PARN: variants seen among roughly 807,000 people sequenced by gnomAD.
The protein encoded by PARN is poly(A)-specific ribonuclease PARN.
In PARN, 71 loss-of-function variants were observed where a neutral mutation model predicts 102.8. The ratio of observed to expected loss-of-function variants is 0.69; its 90% CI spans 0.57 to 0.84. The LOEUF is 0.84. PARN is among the 40% of genes least tolerant of loss of function. PARN has a pLI of 0.00. For missense variants in PARN, 782 were observed against 760.9 expected, an observed-to-expected ratio of 1.03 and a Z score of -0.33; for synonymous variants, 261 against 252.9, an observed-to-expected ratio of 1.03 and a Z score of -0.30.
At position 14,458,057 on chromosome 16, in the gene PARN, A is replaced by T. The variant is rs1238997165; in HGVS notation, c.1671-10976T>A. ...AGAAAAAAATTAGTTCAACATTACAAAGAATCAATAGCATTCAATAAGAAA... is the reference window on the plus strand; with the variant it reads ...AGAAAAAAATTAGTTCAACATTACATAGAATCAATAGCATTCAATAAGAAA... On this transcript the variant is annotated intron_variant, in intron 22 of 23. Transcript: ENST00000437198. 5.3e-5 allele frequency among the ~76,000 whole-genome samples: 8 copies of T among 152,094 alleles called. No individual in the cohort carries two copies. In the East Asian group the frequency reaches 1.5e-3, roughly 29 times the overall value.
intron 23 of PARN, 96 bp from the exon 24 acceptor site, chr16:14,436,868 C>T (rs751543903): frequency 3.1e-5 from 27 of 876,638 alleles, no homozygotes; most frequent in East Asian, 5.3e-5. Flanking sequence ...GGGCCTGTGA[C>T]GGCTGCAGAC....
intron 22 of PARN, among the ~76,000 whole-genome samples, chr16:14,480,798 G>A (rs185049791): frequency 4.9e-4 from 74 of 152,122 alleles, no homozygotes; most frequent in Admixed American, 1.4e-3. Flanking sequence ...AAAATTAACC[G>A]GGTGTGGTGG....
chr16:14,613,385 G>A (rs749634893), intron 6 of PARN, among the ~76,000 whole-genome samples: 1 of 151,702 alleles, frequency 6.6e-6, no homozygotes, highest in Non-Finnish European at 1.5e-5. Flanking sequence ...ACTTTGGGAG[G>A]CTGAGGAGGG....
chr16:14,509,554 AC>A (rs1965076298), intron 21 of PARN, among the ~76,000 whole-genome samples: 3 of 152,176 alleles, frequency 2.0e-5, no homozygotes, highest in Non-Finnish European at 4.4e-5. Flanking sequence ...TAAGCCCTAA[AC>A]CCCATCCATC....
intron 5 of PARN, among the ~76,000 whole-genome samples, chr16:14,624,481 G>A (rs775412163): frequency 5.3e-5 from 8 of 152,138 alleles, no homozygotes; most frequent in Non-Finnish European, 7.3e-5. Context: ...GTCTATGATA[G>A]CTTTTTTTAA....
In PARN at chr16:14,464,587, C is replaced by T. The variant is rs180922770; in HGVS notation, c.1671-17506G>A. Among the ~76,000 whole-genome samples, 5 of 152,120 alleles carry T rather than the reference C, an allele frequency of 3.3e-5. No individual in the cohort carries two copies. In the East Asian group the frequency reaches 7.7e-4, roughly 24 times the overall value. On this transcript the variant is annotated intron_variant, in intron 22 of 23. Coordinates refer to ENST00000437198, the MANE Select transcript of PARN (RefSeq NM_002582.4). The stretch of plus-strand genomic sequence containing the variant: ...ACTGGCCAACATGGCAAAACCCCAT[C>T]TCTACTAAAATATACAAAAATTAGC...
In PARN at chr16:14,435,724, T is replaced by C. The variant is rs963982745; in HGVS notation, c.*993A>G. On this transcript the variant is annotated 3_prime_UTR_variant, in exon 24 of 24. Coordinates refer to ENST00000437198, the MANE Select transcript of PARN (RefSeq NM_002582.4). ...AGTCCTATGAAAATGTTTTTAATTT[T>C]CATCTTTTGGAAATACATTTTTCAT... The C allele has an allele frequency of 6.6e-6, 1 of 152,150 alleles. No individual in the cohort carries two copies. The highest frequency in any genetic ancestry group is 1.5e-5 in the Non-Finnish European group (1 of 68,016). The allele number at this position is 152,150 out of a possible 1,614,324, so 9.4% of individuals were successfully genotyped here. A position where few individuals can be genotyped will look rare whatever the true frequency, so the allele number is the denominator to read the frequency against.
chr16:14,567,701 C>T (rs1422613113), intron 18 of PARN, among the ~76,000 whole-genome samples: 1 of 152,174 alleles, frequency 6.6e-6, no homozygotes, highest in Non-Finnish European at 1.5e-5. Context: ...GTTCTGGCAT[C>T]ACCAGGTGCT....
chr16:14,585,980 CTT>C (rs772896503), intron 14 of PARN, among the ~76,000 whole-genome samples: 15 of 127,228 alleles, frequency 1.2e-4, no homozygotes, highest in African/African-American at 1.2e-4. Context: ...CACAATGACT[CTT>C]TTTTTTTTTT....
chr16:14,451,437 A>C (rs1256470582), intron 22 of PARN, among the ~76,000 whole-genome samples: 1 of 152,184 alleles, frequency 6.6e-6, no homozygotes, highest in Non-Finnish European at 1.5e-5. Flanking sequence ...CATACAACGA[A>C]ATATAATTCA....
chr16:14,456,025 G>T (rs1961663482), intron 22 of PARN, among the ~76,000 whole-genome samples: 1 of 152,158 alleles, frequency 6.6e-6, no homozygotes, highest in Admixed American at 6.5e-5. Flanking sequence ...TGCCAAGAAG[G>T]AATTCCTGCA....
chr16:14,606,004 C>T (rs1971155008), intron 10 of PARN, among the ~76,000 whole-genome samples: 1 of 152,156 alleles, frequency 6.6e-6, no homozygotes, highest in Non-Finnish European at 1.5e-5. Context: ...TTATCATGCT[C>T]AGTCCCAATG....
chr16:14,602,269 C>T (rs1026149318), intron 11 of PARN, among the ~76,000 whole-genome samples: 4 of 152,084 alleles, frequency 2.6e-5, no homozygotes, highest in African/African-American at 9.7e-5. Context: ...ACAATAATCT[C>T]CCGGTACATT....
At chr16:14,525,623 C>A (rs1965955801) in intron 21 of PARN, among the ~76,000 whole-genome samples, 1 of 152,140 alleles carries the variant, frequency 6.6e-6, no homozygotes. Context: ...TTCATTATCA[C>A]CTACCTGCAA....
chr16:14,439,251 G>T (rs1960842130), intron 23 of PARN, among the ~76,000 whole-genome samples: 1 of 151,822 alleles, frequency 6.6e-6, no homozygotes, highest in African/African-American at 2.4e-5. Context: ...ACACACCTGT[G>T]GTCCCAGCTA....
At position 14,548,196 on chromosome 16, in the gene PARN, C is replaced by T. The variant is rs982763558; in HGVS notation, c.1480+3825G>A. Among the ~76,000 whole-genome samples, 4 of 150,880 alleles carry T rather than the reference C, an allele frequency of 2.7e-5. No homozygotes were observed. The East Asian group carries it at 7.8e-4, about 29-fold the overall frequency. On this transcript the variant is annotated intron_variant, in intron 21 of 23. Coordinates refer to ENST00000437198, the MANE Select transcript of PARN (RefSeq NM_002582.4). ...CTGGGAGGTGGAGGTTGCAGTGAGCCGAGATCGCACCACTGCACTCCAGCC... is the reference window on the plus strand; with the variant it reads ...CTGGGAGGTGGAGGTTGCAGTGAGCTGAGATCGCACCACTGCACTCCAGCC...
intron 21 of PARN, among the ~76,000 whole-genome samples, chr16:14,504,317 T>C (rs1272364697): frequency 2.0e-5 from 3 of 152,182 alleles, no homozygotes; most frequent in African/African-American, 7.2e-5. Flanking sequence ...CCCAGCACTT[T>C]TGGCGACCGA....
At chr16:14,530,625 C>A (rs1444436035) in intron 21 of PARN, among the ~76,000 whole-genome samples, 1 of 152,054 alleles carries the variant, frequency 6.6e-6, no homozygotes, top group Non-Finnish European at 1.5e-5. Context: ...GGTCACCATT[C>A]ATTCAAATGA....
chr16:14,538,130 A>C (rs776311152), intron 21 of PARN, among the ~76,000 whole-genome samples: 2 of 152,194 alleles, frequency 1.3e-5, no homozygotes, highest in Non-Finnish European at 2.9e-5. Context: ...AGGCAGAGTA[A>C]AGAAACAGGA....
Sources: gnomAD v4.1 joint callset for allele counts (sites outside exome capture counted in the v4.1 genomes callset) on GRCh38, gnomAD v4.1.1 for gene constraint, MANE v1.5 for transcripts, NCBI Gene and HGNC (gene_info 2026-07-23, HGNC 2026-07-21) for gene names.